DCAF5: variants seen among roughly 807,000 people sequenced by gnomAD.
DCAF5 encodes the protein DDB1- and CUL4-associated factor 5.
A neutral mutation model predicts 80.7 loss-of-function variants in DCAF5; 9 were observed. The observed-to-expected ratio is 0.11, with a 90% confidence interval of 0.07 to 0.19. DCAF5 has a LOEUF of 0.19. Among genes scored for constraint, DCAF5 ranks in the 10% least tolerant of loss-of-function variants. The pLI, the probability that DCAF5 is intolerant of heterozygous loss-of-function variation, is 1.00. For missense variants in DCAF5, 842 were observed against 1,205.7 expected (o/e 0.70, Z 4.47); for synonymous variants, 433 against 461.9 (o/e 0.94, Z 0.80).
At chr14:69,072,335 T>C (rs2139888563) in intron 7 of DCAF5, among the ~76,000 whole-genome samples, 1 of 152,158 alleles carries the variant, frequency 6.6e-6, no homozygotes, top group South Asian at 2.1e-4. Flanking sequence ...ATTTAAAAAT[T>C]ATATAGCTGT....
intron 7 of DCAF5, among the ~76,000 whole-genome samples, chr14:69,067,685 G>A (rs8011193): frequency 1.2e-3 from 183 of 151,808 alleles, no homozygotes; most frequent in African/African-American, 4.2e-3. Flanking sequence ...TCACCAGGCT[G>A]GAGTGCAGTG....
intron 7 of DCAF5, among the ~76,000 whole-genome samples, chr14:69,068,245 T>C (rs572408368): frequency 6.6e-6 from 1 of 152,334 alleles, no homozygotes; most frequent in African/African-American, 2.4e-5. Flanking sequence ...TTACATGATG[T>C]CTTATCTAAG....
chr14:69,110,410 C>A (rs1310486062), intron 5 of DCAF5, among the ~76,000 whole-genome samples: 1 of 151,654 alleles, frequency 6.6e-6, no homozygotes, highest in Non-Finnish European at 1.5e-5. Context: ...GGATTACAGG[C>A]ACACAACACC....
intron 5 of DCAF5, among the ~76,000 whole-genome samples, chr14:69,110,674 G>A (rs899206955): frequency 1.3e-5 from 2 of 151,870 alleles, no homozygotes; most frequent in Non-Finnish European, 2.9e-5. Context: ...CCAGGAGATC[G>A]AGACCAGCCT....
intron 1 of DCAF5, among the ~76,000 whole-genome samples, chr14:69,123,753 C>T (rs1372567879): frequency 6.6e-6 from 1 of 152,110 alleles, no homozygotes; most frequent in Non-Finnish European, 1.5e-5. Flanking sequence ...GTATGCAGTG[C>T]AGTGGCGCAA....
rs767980160 is a variant in DCAF5, at chr14:69,052,813, T to C, written c.*1044A>G. The C allele has an allele frequency of 2.6e-5, 4 of 152,252 alleles. No individual in the cohort carries two copies. The highest frequency in any genetic ancestry group is 6.5e-5 in the Admixed American group (1 of 15,274). 9.4% of individuals were successfully genotyped at this position (152,252 alleles called of 1,614,324 possible). Reference sequence around the variant, plus strand: ...TATCAACTGCAAGTCTGAGGGAAGATGCCAGTCCCACCAATTCTGACCAAT... The same window carrying C: ...TATCAACTGCAAGTCTGAGGGAAGACGCCAGTCCCACCAATTCTGACCAAT... On this transcript the variant is annotated 3_prime_UTR_variant, in exon 9 of 9. Transcript: ENST00000341516.
intron 6 of DCAF5, among the ~76,000 whole-genome samples, chr14:69,078,715 G>A (rs964963147): frequency 3.3e-5 from 5 of 152,186 alleles, no homozygotes; most frequent in Non-Finnish European, 5.9e-5. Flanking sequence ...ATTCAGACAC[G>A]AAGTAGAATG....
intron 6 of DCAF5, chr14:69,090,866 T>C: frequency 3.8e-6 from 2 of 521,038 alleles, no homozygotes; most frequent in African/African-American, 1.9e-5. Flanking sequence ...ATATGTGAAA[T>C]AGCAATAAGA....
chr14:69,096,699 TATA>T (rs1464056671), intron 5 of DCAF5, among the ~76,000 whole-genome samples: 1 of 152,170 alleles, frequency 6.6e-6, no homozygotes, highest in African/African-American at 2.4e-5. Flanking sequence ...TAAGAGGCAG[TATA>T]ATAACAGATT....
chr14:69,146,218 A>T (rs2041533088), intron 1 of DCAF5, among the ~76,000 whole-genome samples: 1 of 152,332 alleles, frequency 6.6e-6, no homozygotes, highest in East Asian at 1.9e-4. Context: ...ATTAAAAATG[A>T]TCCTTTGAAC....
In DCAF5 at chr14:69,117,033, A is replaced by G. The variant is rs148984035; in HGVS notation, c.536-538T>C. ...CTAACATCTAGCCAGTCTGTAATCA[A>G]CTTCACCTAGAAACCCTGCAACATT... On this transcript the variant is annotated intron_variant, in intron 4 of 8. Coordinates refer to ENST00000341516, the MANE Select transcript of DCAF5 (RefSeq NM_003861.3). Among the ~76,000 whole-genome samples the G allele has an allele frequency of 1.5e-3, 232 of 152,310 alleles. 1 individual carries two copies. The highest frequency in any genetic ancestry group is 5.3e-3 in the African/African-American group (220 of 41,556).
At chr14:69,080,332 G>A (rs1402299574) in intron 6 of DCAF5, among the ~76,000 whole-genome samples, 3 of 151,998 alleles carry the variant, frequency 2.0e-5, no homozygotes, top group African/African-American at 4.8e-5. Flanking sequence ...AGGTCTAGGC[G>A]GGCCATCTTA....
rs548518678 is a variant in DCAF5, at chr14:69,115,551, T to C, written c.665+815A>G. ...ATCTATGCAGAATTTCCAGAGGAGCTAGCTAGCAATACACGGAAGTTTTTT... is the reference window on the plus strand; with the variant it reads ...ATCTATGCAGAATTTCCAGAGGAGCCAGCTAGCAATACACGGAAGTTTTTT... On this transcript the variant is annotated intron_variant, in intron 5 of 8. Coordinates refer to ENST00000341516, the MANE Select transcript of DCAF5 (RefSeq NM_003861.3). Among the ~76,000 whole-genome samples the C allele has an allele frequency of 2.0e-5, 3 of 152,284 alleles. No individual in the cohort carries two copies. In the East Asian group the frequency reaches 5.8e-4, roughly 29 times the overall value.
chr14:69,116,676 A>C (rs1458889566), intron 4 of DCAF5, among the ~76,000 whole-genome samples, 181 bp from the exon 5 acceptor site: 1 of 152,232 alleles, frequency 6.6e-6, no homozygotes, highest in Non-Finnish European at 1.5e-5. Flanking sequence ...CATGAGTCCT[A>C]TACATAGCAA....
intron 1 of DCAF5, among the ~76,000 whole-genome samples, chr14:69,139,329 T>C (rs939334669): frequency 1.3e-5 from 2 of 149,250 alleles, no homozygotes; most frequent in African/African-American, 5.0e-5. Context: ...ACGAAAAAAT[T>C]AAAAATTAGC....
At chr14:69,125,096 T>C (rs1322853825) in intron 1 of DCAF5, among the ~76,000 whole-genome samples, 10 of 152,162 alleles carry the variant, frequency 6.6e-5, no homozygotes, top group Non-Finnish European at 1.0e-4. Flanking sequence ...AATAAAGTCA[T>C]TGAGCTAAGA....
intron 1 of DCAF5, among the ~76,000 whole-genome samples, chr14:69,137,578 G>A (rs1452444279): frequency 6.6e-6 from 1 of 152,022 alleles, no homozygotes; most frequent in Non-Finnish European, 1.5e-5. Flanking sequence ...ATCAGTGAAG[G>A]CCCTAACACT....
At chr14:69,099,536 A>G (rs2039876921) in intron 5 of DCAF5, among the ~76,000 whole-genome samples, 2 of 152,328 alleles carry the variant, frequency 1.3e-5, no homozygotes, top group South Asian at 4.1e-4. Flanking sequence ...TGAAGCCATG[A>G]CGCCACCATA....
intron 7 of DCAF5, among the ~76,000 whole-genome samples, chr14:69,064,758 A>G (rs2038365255): frequency 6.6e-6 from 1 of 152,230 alleles, no homozygotes; most frequent in Non-Finnish European, 1.5e-5. Context: ...CACTGAGTAC[A>G]TGATGAGAAT....
Sources: gnomAD v4.1 joint callset for allele counts (sites outside exome capture counted in the v4.1 genomes callset) on GRCh38, gnomAD v4.1.1 for gene constraint, MANE v1.5 for transcripts, NCBI Gene and HGNC (gene_info 2026-07-23, HGNC 2026-07-21) for gene names.